WEE2: variants seen among roughly 807,000 people sequenced by gnomAD.
The protein encoded by WEE2 is wee1-like protein kinase 2.
In WEE2, 50 loss-of-function variants were observed where a neutral mutation model predicts 60.1. The ratio of observed to expected loss-of-function variants is 0.83; its 90% CI spans 0.66 to 1.05. The LOEUF (loss-of-function observed/expected upper bound fraction) is 1.05. Among genes scored for constraint, WEE2 ranks in the 50% least tolerant of loss-of-function variants. The probability of loss-of-function intolerance (pLI) is 0.00; values close to 1 mark genes in which losing one functional copy is unlikely to be tolerated. For missense variants in WEE2, 631 were observed against 684.3 expected, an observed-to-expected ratio of 0.92 and a Z score of 0.87; for synonymous variants, 240 against 241.0, an observed-to-expected ratio of 1.00 and a Z score of 0.04.
At chr7:141,719,819 C>T (rs1798874207) in intron 4 of WEE2, among the ~76,000 whole-genome samples, 1 of 152,042 alleles carries the variant, frequency 6.6e-6, no homozygotes, top group Non-Finnish European at 1.5e-5. Flanking sequence ...GTCTTTCTGA[C>T]TTTTTAAAAA....
At chr7:141,730,058 A>C (rs1234574851) in intron 11 of WEE2, among the ~76,000 whole-genome samples, 2 of 151,966 alleles carry the variant, frequency 1.3e-5, no homozygotes, top group African/African-American at 4.8e-5. Context: ...CTGTAAATAG[A>C]TATCAGCTGT....
At position 141,727,362 on chromosome 7, in the gene WEE2, C is replaced by A. The variant is rs774537447; in HGVS notation, c.1451C>A (p.Thr484Lys). 1 of 1,614,194 alleles carries A rather than the reference C, an allele frequency of 6.2e-7. No homozygotes were observed. The highest frequency in any genetic ancestry group is 8.5e-7 in the Non-Finnish European group (1 of 1,180,034). The stretch of plus-strand genomic sequence containing the variant: ...TCTGCAGCAGCTCTGGCCAGAAATA[C>A]AGTTCTCCGGCCTTCCCTGGGAAAA... ...RPSAAALARN[T>K]VLRPSLGKTE... Residue 484 changes from threonine (T) to lysine (K), a missense_variant, in exon 10 of 12, where the codon ACA becomes AAA. Physicochemically the swap from Thr to Lys is moderately conservative, Grantham distance 78 (BLOSUM62 -1). Coordinates refer to ENST00000397541, the MANE Select transcript of WEE2 (RefSeq NM_001105558.1).
intron 2 of WEE2, among the ~76,000 whole-genome samples, chr7:141,716,010 C>T (rs1410242553): frequency 6.6e-6 from 1 of 152,102 alleles, no homozygotes; most frequent in East Asian, 1.9e-4. Context: ...AAGCTTTTCA[C>T]TCTTGAAATA....
rs1012570862 is a variant in WEE2, at chr7:141,716,184, T to G, written c.540-38T>G. On this transcript the variant is annotated intron_variant, in intron 2 of 11. Transcript: ENST00000397541. The stretch of plus-strand genomic sequence containing the variant: ...AGCATAGTTCGGCCTCAATAAATAT[T>G]AATTATATATTGATAAACTTTTTTT... The G allele has an allele frequency of 2.6e-6, 4 of 1,558,414 alleles. No homozygotes were observed. The African/African-American group carries it at 4.1e-5, about 16-fold the overall frequency.
At chr7:141,724,906 G>GACCGTCGTGT in intron 8 of WEE2, 120 bp from the exon 9 acceptor site, 1 of 1,117,602 alleles carries the variant, frequency 8.9e-7, no homozygotes, top group African/African-American at 1.6e-5. Flanking sequence ...ATGTATCTTT[G>GACCGTCGTGT]ACCGTCGTGT....
chr7:141,715,857 A>G (rs765062754), intron 2 of WEE2, among the ~76,000 whole-genome samples: 1 of 152,214 alleles, frequency 6.6e-6, no homozygotes, highest in African/African-American at 2.4e-5. Flanking sequence ...GGGGATAAAG[A>G]TACCCATTTA....
In WEE2 at chr7:141,730,654, T is replaced by C. The variant is rs901003801; in HGVS notation, c.*334T>C. The C allele has an allele frequency of 3.3e-5, 7 of 210,100 alleles. No individual in the cohort carries two copies. The highest frequency in any genetic ancestry group is 1.6e-4 in the African/African-American group (7 of 43,670). The allele number at this position is 210,100 out of a possible 1,614,324, so 13.0% of individuals were successfully genotyped here. A position where few individuals can be genotyped will look rare whatever the true frequency, so the allele number is the denominator to read the frequency against. On this transcript the variant is annotated 3_prime_UTR_variant, in exon 12 of 12. Transcript: ENST00000397541. ...GCATGCAACTTGGACATCTCTGAGC[T>C]GGTTGTTAACTTGCAGAACAAAAAT...
intron 1 of WEE2, 97 bp from the exon 2 acceptor site, chr7:141,714,112 A>G (rs1798753386): frequency 4.6e-6 from 5 of 1,077,470 alleles, no homozygotes; most frequent in Non-Finnish European, 6.7e-6. Context: ...AGGCCCCTTC[A>G]GCAAAAGCAT....
rs35683659 is a variant in WEE2, at chr7:141,729,571, T to C, written c.1576T>C (p.Tyr526His). The C allele has an allele frequency of 2.4e-5, 39 of 1,614,200 alleles. No individual in the cohort carries two copies. Among genetic ancestry groups the C allele is most frequent in the African/African-American group, 2.0e-4 (15 of 75,054 alleles). Residue 526 changes from tyrosine to histidine, a missense_variant, in exon 11 of 12, where the codon TAT becomes CAT. Physicochemically the swap from Tyr to His is moderately conservative, Grantham distance 83. Coordinates refer to ENST00000397541, the MANE Select transcript of WEE2 (RefSeq NM_001105558.1). ...CCAGCAGGCCCAGTCACCCCAGGGA[T>C]ATACCCATCATGGTGACACTGGGGT... The part of the protein sequence containing the change: ...EAQQAQSPQG[Y>H]THHGDTGVSG...
intron 5 of WEE2, among the ~76,000 whole-genome samples, chr7:141,722,674 T>C (rs1798937465): frequency 6.6e-6 from 1 of 152,242 alleles, no homozygotes; most frequent in Admixed American, 6.5e-5. Flanking sequence ...ACTACTAGCC[T>C]GACACTGACA....
rs571238574 is a variant in WEE2 at position 141,720,141 on chromosome 7, C to CTTTTTTTTTTTTTTTTTT, written c.759-779_759-762dup. 1.6e-4 allele frequency among the ~76,000 whole-genome samples: 10 copies of CTTTTTTTTTTTTTTTTTT among 64,200 alleles called. 1 individual carries two copies. The highest frequency in any genetic ancestry group is 4.3e-4 in the African/African-American group (7 of 16,106). The allele number at this position is 64,200 out of a possible 152,430, so 42.1% of individuals were successfully genotyped here. A position where few individuals can be genotyped will look rare whatever the true frequency, so the allele number is the denominator to read the frequency against. On this transcript the variant is annotated intron_variant, in intron 4 of 11. Transcript: ENST00000397541. ...GTTTTATACAGGTTTTAGAATTCCT[C>CTTTTTTTTTTTTTTTTTT]TTTTTTTTTTTTTTTTTTTTTTTTT... is the stretch of plus-strand genomic sequence containing the variant.
Position 141,719,108 on chromosome 7 carries a change from T to C in WEE2, c.622T>C (p.Tyr208His), listed in dbSNP as rs745653787. 1.9e-6 allele frequency: 3 copies of C among 1,614,058 alleles called. No homozygotes were observed. The Admixed American group carries it at 5.0e-5, about 27-fold the overall frequency. The change falls in exon 4 of 12, where the codon TAT becomes CAT. Residue 208 changes from tyrosine to histidine, a missense_variant. Physicochemically the swap from Tyr to His is moderately conservative, Grantham distance 83. Transcript: ENST00000397541. ...ACGAGAAACCAACATGGCTTCCCGC[T>C]ATGAAAAAGAATTCTTGGAGGTTGA... is the stretch of plus-strand genomic sequence containing the variant. ...VLRETNMASR[Y>H]EKEFLEVEKI... is the part of the protein sequence containing the mutation.
At chr7:141,726,408 G>A (rs1381282570) in intron 9 of WEE2, among the ~76,000 whole-genome samples, 1 of 152,134 alleles carries the variant, frequency 6.6e-6, no homozygotes, top group Admixed American at 6.5e-5. Flanking sequence ...AGCTTCCTGA[G>A]TAGCTGGACT....
rs763342257 is a variant in WEE2, at chr7:141,724,190, G to A, written c.1136G>A (p.Gly379Asp). Reference sequence around the variant, plus strand: ...CTTTTTTCCTTTTTCTTTTTTTTAGGTGACCTGGGCCACGCAACATCAATA... The same window carrying A: ...CTTTTTTCCTTTTTCTTTTTTTTAGATGACCTGGGCCACGCAACATCAATA... The part of the protein sequence containing the change: ...FLSANVMYKI[G>D]DLGHATSINK... The change falls in exon 8 of 12, where the codon GGT (glycine) becomes GAT (aspartate). Residue 379 changes from glycine to aspartate, a missense_variant and splice_region_variant. Coordinates refer to ENST00000397541, the MANE Select transcript of WEE2 (RefSeq NM_001105558.1). 3 of 1,597,862 alleles carry A rather than the reference G, an allele frequency of 1.9e-6. No homozygotes were observed. The highest frequency in any genetic ancestry group is 2.6e-6 in the Non-Finnish European group (3 of 1,176,138).
intron 11 of WEE2, 75 bp downstream of exon 11, chr7:141,729,748 G>T: frequency 6.6e-7 from 1 of 1,518,600 alleles, no homozygotes. Context: ...CAACACTTTG[G>T]GAGGCCAAGG....
At chr7:141,718,951 T>C in intron 3 of WEE2, 121 bp from the exon 4 acceptor site, 1 of 819,862 alleles carries the variant, frequency 1.2e-6, no homozygotes, top group Non-Finnish European at 1.9e-6. Context: ...TAGAATTCAT[T>C]GCAGTCACCT....
intron 9 of WEE2, 91 bp from the exon 10 acceptor site, chr7:141,727,213 C>T (rs1479942999): frequency 7.2e-7 from 1 of 1,387,640 alleles, no homozygotes; most frequent in African/African-American, 1.5e-5. Context: ...CAAAATCCAC[C>T]AGGAGAAGCT....
In WEE2 at chr7:141,727,308, T is replaced by C. The variant is rs201051187; in HGVS notation, c.1397T>C (p.Met466Thr). ...CTCTTGGTCCTATATCATCAGAACA[T>C]GATCCAACCTGATGCCGAACAGAGA... ...SESFSSLLKN[M>T]IQPDAEQRPS... The change falls in exon 10 of 12, where the codon ATG becomes ACG. Residue 466 changes from methionine to threonine, a missense_variant. Met to Thr is a moderately conservative substitution (Grantham distance 81). Transcript: ENST00000397541. 35 of 1,613,614 alleles carry C rather than the reference T, an allele frequency of 2.2e-5. No individual in the cohort carries two copies. The highest frequency in any genetic ancestry group is 6.7e-5 in the Admixed American group (4 of 59,896).
At position 141,720,917 on chromosome 7, in the gene WEE2, T is replaced by C; in HGVS notation, c.759-18T>C. 1 of 1,607,110 alleles carries C rather than the reference T, an allele frequency of 6.2e-7. No individual in the cohort carries two copies. Among genetic ancestry groups the C allele is most frequent in the South Asian group, 1.1e-5 (1 of 90,846 alleles). On this transcript the variant is annotated intron_variant, in intron 4 of 11. Coordinates refer to ENST00000397541, the MANE Select transcript of WEE2 (RefSeq NM_001105558.1). ...CTTGATTGATGTTTTTATTCCTCAA[T>C]GCTTTTCTGTCTCATAGGAATTCGG...
Sources: allele counts gnomAD v4.1 joint callset (sites outside exome capture counted in the v4.1 genomes callset), GRCh38; gene constraint gnomAD v4.1.1; transcripts MANE v1.5; gene names NCBI Gene and HGNC (gene_info 2026-07-23, HGNC 2026-07-21).